GAS7: variants seen among roughly 807,000 people sequenced by gnomAD.
The protein encoded by GAS7 is growth arrest-specific protein 7.
GAS7 carries 28 observed loss-of-function variants against 71.1 expected under a neutral mutation model. The observed-to-expected ratio is 0.39, with a 90% confidence interval of 0.29 to 0.54. GAS7 has a LOEUF of 0.54. GAS7 is among the 20% of genes least tolerant of loss of function. GAS7 has a pLI of 0.62. For synonymous variants in GAS7, 258 were observed against 245.8 expected, an observed-to-expected ratio of 1.05 and a Z score of -0.46; for missense variants, 436 against 627.8, an observed-to-expected ratio of 0.69 and a Z score of 3.27.
At position 10,103,596 on chromosome 17, in the gene GAS7, T is replaced by C. The variant is rs552905394; in HGVS notation, c.184-83699A>G. The stretch of plus-strand genomic sequence containing the variant: ...ATCCCAGCACTTTGGGAGGCCGAGG[T>C]GGGCGGATCACCTGAGGTCAGGAGT... On this transcript the variant is annotated intron_variant, in intron 1 of 13. Coordinates refer to ENST00000432992, the MANE Select transcript of GAS7 (RefSeq NM_201433.2). This position sits in a 1 kb window ranked among gnomAD's most constrained non-coding sequence, Gnocchi z 5.5. 3.4e-4 allele frequency among the ~76,000 whole-genome samples: 52 copies of C among 151,958 alleles called. No individual in the cohort carries two copies. In the Middle Eastern group the frequency reaches 0.021, roughly 60 times the overall value.
intron 5 of GAS7, among the ~76,000 whole-genome samples, chr17:9,957,048 G>C (rs1424222345): frequency 6.6e-6 from 1 of 152,166 alleles, no homozygotes; most frequent in Non-Finnish European, 1.5e-5. Flanking sequence ...CAGGAGACCT[G>C]GGTTCAAGTC....
intron 1 of GAS7, among the ~76,000 whole-genome samples, chr17:10,148,689 A>G (rs1156973455): frequency 2.0e-5 from 3 of 151,680 alleles, no homozygotes; most frequent in Non-Finnish European, 4.4e-5. Context: ...AGGTGGGCGG[A>G]TCACGAGGTC....
intron 2 of GAS7, among the ~76,000 whole-genome samples, chr17:10,011,454 T>G (rs9901298): frequency 0.35 from 52,551 of 152,044 alleles, 11,578 homozygotes; most frequent in African/African-American, 0.64. Context: ...TACTCCAGGC[T>G]ACGGCTCCTC....
At chr17:10,073,075 G>A (rs1002507343) in intron 1 of GAS7, among the ~76,000 whole-genome samples, 6 of 152,268 alleles carry the variant, frequency 3.9e-5, no homozygotes, top group South Asian at 4.1e-4. Context: ...GCAAAGGCTC[G>A]CTGGAATGAG....
At chr17:10,028,140 T>C (rs1294713113) in intron 1 of GAS7, among the ~76,000 whole-genome samples, 2 of 152,214 alleles carry the variant, frequency 1.3e-5, no homozygotes, top group Admixed American at 6.5e-5. Context: ...CTTGACCTCA[T>C]GATCCACCCA....
At chr17:10,049,915 C>T (rs552052884) in intron 1 of GAS7, among the ~76,000 whole-genome samples, 32 of 152,074 alleles carry the variant, frequency 2.1e-4, no homozygotes, top group African/African-American at 3.9e-4. Context: ...CCACCGCGCC[C>T]GGTCTGAAAT....
At chr17:9,988,731 CTGCAGG>C (rs1194331833) in intron 2 of GAS7, among the ~76,000 whole-genome samples, 1 of 152,140 alleles carries the variant, frequency 6.6e-6, no homozygotes, top group African/African-American at 2.4e-5. Context: ...CACAGTTTCT[CTGCAGG>C]AAAGAAACTA....
intron 1 of GAS7, among the ~76,000 whole-genome samples, chr17:10,132,744 T>A (rs1366916780): frequency 2.1e-5 from 3 of 140,808 alleles, no homozygotes; most frequent in African/African-American, 8.1e-5. Flanking sequence ...GGCGACAGAG[T>A]AAGACCCTGT....
chr17:9,978,362 A>T (rs2070287637), intron 3 of GAS7, among the ~76,000 whole-genome samples: 1 of 149,720 alleles, frequency 6.7e-6, no homozygotes, highest in Non-Finnish European at 1.5e-5. Flanking sequence ...AATTTCACAA[A>T]TCTAGGATGC....
At chr17:10,007,712 T>A (rs949996351) in intron 2 of GAS7, among the ~76,000 whole-genome samples, 1 of 152,010 alleles carries the variant, frequency 6.6e-6, no homozygotes, top group African/African-American at 2.4e-5. Context: ...ACAAGCCTGT[T>A]TTTAATGACA....
At chr17:10,122,427 AAT>A (rs929392907) in intron 1 of GAS7, among the ~76,000 whole-genome samples, 1 of 152,150 alleles carries the variant, frequency 6.6e-6, no homozygotes, top group Non-Finnish European at 1.5e-5. Context: ...GCCCTATTCA[AAT>A]ACTCAAAAAC....
At chr17:9,917,462 G>A (rs1055050124) in intron 13 of GAS7, 121 bp from the exon 14 acceptor site, 6 of 695,036 alleles carry the variant, frequency 8.6e-6, no homozygotes, top group Middle Eastern at 2.4e-4. Context: ...GAGGGCTCCG[G>A]GGCCCCAGGG....
chr17:10,028,284 G>A (rs954855195), intron 1 of GAS7, among the ~76,000 whole-genome samples: 3 of 152,132 alleles, frequency 2.0e-5, no homozygotes, highest in African/African-American at 4.8e-5. Context: ...TGAGGGGGGA[G>A]GACTGCTTGG....
At chr17:10,012,204 A>T (rs1016783395) in intron 2 of GAS7, among the ~76,000 whole-genome samples, 3 of 152,220 alleles carry the variant, frequency 2.0e-5, no homozygotes, top group African/African-American at 7.2e-5. Context: ...CTAAAAGGTC[A>T]GCATCTCTCC....
In GAS7 at chr17:9,974,460, GA is replaced by G. The variant is rs36083873; in HGVS notation, c.386-4699del. Reference sequence around the variant, plus strand: ...CTCCAGCCTCTGGGGGAAGAAAAATGAAATTGGTCAAGGATCGCTCATAAAG... The same window carrying G: ...CTCCAGCCTCTGGGGGAAGAAAAATGAATTGGTCAAGGATCGCTCATAAAG... On this transcript the variant is annotated intron_variant, in intron 3 of 13. Coordinates refer to ENST00000432992, the MANE Select transcript of GAS7 (RefSeq NM_201433.2). This position sits in a 1 kb window ranked among gnomAD's most constrained non-coding sequence, Gnocchi z 4.0. Among the ~76,000 whole-genome samples the G allele has an allele frequency of 0.11, 16,089 of 151,714 alleles. 1,147 individuals carry two copies. The highest frequency in any genetic ancestry group is 0.17 in the Middle Eastern group (49 of 294).
intron 1 of GAS7, among the ~76,000 whole-genome samples, chr17:10,053,009 G>A: frequency 6.6e-6 from 1 of 152,174 alleles, no homozygotes; most frequent in East Asian, 1.9e-4. Flanking sequence ...TTGGCTACAT[G>A]GAGTTCTTCC....
chr17:10,133,211 C>A (rs1430157647), intron 1 of GAS7, among the ~76,000 whole-genome samples: 1 of 151,656 alleles, frequency 6.6e-6, no homozygotes, highest in African/African-American at 2.4e-5. Flanking sequence ...CAACCTCCAC[C>A]TCCTGGGTTC....
intron 1 of GAS7, among the ~76,000 whole-genome samples, chr17:10,150,656 T>C (rs1385972166): frequency 7.1e-6 from 1 of 141,810 alleles, no homozygotes; most frequent in Non-Finnish European, 1.5e-5. Flanking sequence ...TGGCACGATC[T>C]CGGCTCACTG....
chr17:10,120,007 G>A (rs1351746007), intron 1 of GAS7, among the ~76,000 whole-genome samples: 2 of 152,168 alleles, frequency 1.3e-5, no homozygotes, highest in African/African-American at 2.4e-5. Flanking sequence ...ACTCGCTTTC[G>A]GAAGTGCTAA....
Sources: gnomAD v4.1 joint callset for allele counts (sites outside exome capture counted in the v4.1 genomes callset) on GRCh38, gnomAD v4.1.1 for gene constraint, Gnocchi (gnomAD v3.1) non-coding constraint, MANE v1.5 for transcripts, NCBI Gene and HGNC (gene_info 2026-07-23, HGNC 2026-07-21) for gene names.